DIP2C: variants seen among roughly 807,000 people sequenced by gnomAD.
DIP2C encodes DIP2 acetate--CoA ligase C (putative).
DIP2C carries 33 observed loss-of-function variants against 192.4 expected under a neutral mutation model. The observed-to-expected ratio is 0.17, with a 90% CI of 0.13 to 0.23. The LOEUF is 0.23. Ranked by LOEUF, DIP2C falls within the 10% of genes least tolerant of loss-of-function variation. The probability of loss-of-function intolerance (pLI) is 1.00; values close to 1 mark genes in which losing one functional copy is unlikely to be tolerated. For synonymous variants in DIP2C, 979 were observed against 864.1 expected, an observed-to-expected ratio of 1.13 and a Z score of -2.33; for missense variants, 1,537 against 2,110.1, an observed-to-expected ratio of 0.73 and a Z score of 5.32.
At chr10:510,552 C>T (rs571527493) in intron 1 of DIP2C, among the ~76,000 whole-genome samples, 1 of 152,356 alleles carries the variant, frequency 6.6e-6, no homozygotes, top group African/African-American at 2.4e-5. Flanking sequence ...GCCTGGGCAG[C>T]CGCACAGTGA....
intron 4 of DIP2C, 34 bp downstream of exon 4, chr10:440,837 T>G: frequency 6.3e-7 from 1 of 1,597,382 alleles, no homozygotes; most frequent in Non-Finnish European, 8.5e-7. Context: ...GCCCGGCACA[T>G]TCAGGAGGCC....
At chr10:449,075 G>A (rs1205141045) in intron 3 of DIP2C, among the ~76,000 whole-genome samples, 1 of 147,648 alleles carries the variant, frequency 6.8e-6, no homozygotes, top group African/African-American at 2.5e-5. Context: ...CACTCCCGTC[G>A]ATACTCAGGA....
At chr10:431,109 C>T (rs946580190) in intron 4 of DIP2C, among the ~76,000 whole-genome samples, 4 of 152,188 alleles carry the variant, frequency 2.6e-5, no homozygotes, top group African/African-American at 9.7e-5. Flanking sequence ...TGGATTATCA[C>T]TGATTTATAG....
chr10:431,785 G>A (rs541679643), intron 4 of DIP2C, among the ~76,000 whole-genome samples: 1 of 152,324 alleles, frequency 6.6e-6, no homozygotes, highest in South Asian at 2.1e-4. Flanking sequence ...GAAAAGAAGT[G>A]GTGAGAGGAG....
At chr10:349,951 GAACT>G (rs1406259511) in intron 24 of DIP2C, among the ~76,000 whole-genome samples, 2 of 152,144 alleles carry the variant, frequency 1.3e-5, no homozygotes, top group Non-Finnish European at 1.5e-5. Flanking sequence ...GGAATGAAAA[GAACT>G]ATCAAACGCA....
At chr10:507,064 G>T (rs1183009039) in intron 1 of DIP2C, among the ~76,000 whole-genome samples, 1 of 151,952 alleles carries the variant, frequency 6.6e-6, no homozygotes, top group Non-Finnish European at 1.5e-5. Flanking sequence ...ACGATAAGAG[G>T]TGTGAGGTCA....
At chr10:287,687 A>C (rs111559970) in intron 33 of DIP2C, among the ~76,000 whole-genome samples, 1 of 147,854 alleles carries the variant, frequency 6.8e-6, no homozygotes, top group South Asian at 2.2e-4. Context: ...AAAAAAAAAA[A>C]GAGTCTTTAT....
chr10:679,470 A>C (rs1483134117), intron 1 of DIP2C, among the ~76,000 whole-genome samples: 21 of 27,772 alleles, frequency 7.6e-4, no homozygotes, highest in Admixed American at 1.2e-3. Flanking sequence ...CGTCCTCCCC[A>C]CACCCCTGCT....
intron 1 of DIP2C, among the ~76,000 whole-genome samples, chr10:526,458 G>A (rs1196360966): frequency 6.6e-6 from 1 of 151,378 alleles, no homozygotes; most frequent in Non-Finnish European, 1.5e-5. Context: ...CACAGCTGGG[G>A]CCCAGAACCA....
chr10:397,780 C>T (rs963918598), intron 10 of DIP2C, among the ~76,000 whole-genome samples: 33 of 152,204 alleles, frequency 2.2e-4, no homozygotes, highest in African/African-American at 7.0e-4. Flanking sequence ...TTGGTATGAG[C>T]GTAAGCCAAA....
intron 1 of DIP2C, among the ~76,000 whole-genome samples, chr10:529,556 T>C (rs966866433): frequency 6.6e-6 from 1 of 151,970 alleles, no homozygotes; most frequent in Non-Finnish European, 1.5e-5. Context: ...AAGGGAGATA[T>C]GGGAAAACAG....
intron 4 of DIP2C, among the ~76,000 whole-genome samples, chr10:436,077 A>G (rs1366886347): frequency 6.6e-6 from 1 of 152,312 alleles, no homozygotes; most frequent in South Asian, 2.1e-4. Context: ...TATTTTTTAT[A>G]TTAACTGGTG....
At chr10:596,406 G>T (rs967838444) in intron 1 of DIP2C, among the ~76,000 whole-genome samples, 9 of 132,524 alleles carry the variant, frequency 6.8e-5, no homozygotes, top group Admixed American at 5.6e-4. Context: ...TAAAGGAGGA[G>T]AATCACTTGA....
intron 13 of DIP2C, among the ~76,000 whole-genome samples, chr10:389,202 T>G (rs1482193069): frequency 6.2e-5 from 9 of 144,664 alleles, no homozygotes; most frequent in Admixed American, 4.8e-4. Context: ...CTCAGGGGCA[T>G]GGGGGTTCTC....
At chr10:400,671 G>C (rs987490698) in intron 9 of DIP2C, among the ~76,000 whole-genome samples, 1 of 151,374 alleles carries the variant, frequency 6.6e-6, no homozygotes, top group Non-Finnish European at 1.5e-5. Flanking sequence ...CTTCCTTATG[G>C]ACAAGTTTGG....
chr10:306,420 C>A (rs1956323313), intron 32 of DIP2C, among the ~76,000 whole-genome samples: 1 of 152,190 alleles, frequency 6.6e-6, no homozygotes, highest in Non-Finnish European at 1.5e-5. Context: ...TGTGCACATT[C>A]ATATTCTCTC....
intron 8 of DIP2C, among the ~76,000 whole-genome samples, chr10:409,598 A>C (rs1965049086): frequency 6.6e-6 from 1 of 152,222 alleles, no homozygotes; most frequent in Non-Finnish European, 1.5e-5. Flanking sequence ...TGTAGGGAGG[A>C]AAGTCCTCTG....
intron 4 of DIP2C, among the ~76,000 whole-genome samples, chr10:436,898 G>A (rs111724759): frequency 1.4e-5 from 2 of 140,794 alleles, no homozygotes; most frequent in African/African-American, 5.4e-5. Flanking sequence ...GCCCACACCT[G>A]AGCTCTCTCT....
At chr10:514,143 G>A (rs1305771489) in intron 1 of DIP2C, among the ~76,000 whole-genome samples, 4 of 152,142 alleles carry the variant, frequency 2.6e-5, no homozygotes, top group Non-Finnish European at 4.4e-5. Context: ...TGGTGCATTC[G>A]CCCTGCCAGC....
Sources: allele counts gnomAD v4.1 joint callset (sites outside exome capture counted in the v4.1 genomes callset), GRCh38; gene constraint gnomAD v4.1.1; transcripts MANE v1.5; gene names NCBI Gene and HGNC (gene_info 2026-07-23, HGNC 2026-07-21).